TOMM70: variants seen among roughly 807,000 people sequenced by gnomAD.
TOMM70 encodes translocase of outer mitochondrial membrane 70.
TOMM70 carries 13 observed loss-of-function variants against 73.6 expected under a neutral mutation model. The observed-to-expected ratio is 0.18, with a 90% CI of 0.11 to 0.28. The LOEUF (loss-of-function observed/expected upper bound fraction) is 0.28. Among genes scored for constraint, TOMM70 ranks in the 10% least tolerant of loss-of-function variants. The pLI, the probability that TOMM70 is intolerant of heterozygous loss-of-function variation, is 1.00. For missense variants in TOMM70, 609 were observed against 747.5 expected, an observed-to-expected ratio of 0.81 and a Z score of 2.16; for synonymous variants, 257 against 271.2, an observed-to-expected ratio of 0.95 and a Z score of 0.51.
intron 1 of TOMM70, among the ~76,000 whole-genome samples, chr3:100,396,088 G>A (rs1012672323): frequency 6.6e-6 from 1 of 150,622 alleles, no homozygotes; most frequent in Non-Finnish European, 1.5e-5. Flanking sequence ...GACATTTAGA[G>A]CACAATATGA....
intron 1 of TOMM70, among the ~76,000 whole-genome samples, chr3:100,389,340 G>A (rs754868058): frequency 1.3e-4 from 20 of 152,042 alleles, no homozygotes; most frequent in Non-Finnish European, 2.5e-4. Flanking sequence ...CCCAAATAGG[G>A]AAATGACCAA....
At chr3:100,387,101 C>T (rs777180844) in intron 1 of TOMM70, 123 bp from the exon 2 acceptor site, 1 of 975,014 alleles carries the variant, frequency 1.0e-6, no homozygotes, top group South Asian at 1.7e-5. Flanking sequence ...TAAGTTGCTT[C>T]ATACAAATAT....
intron 2 of TOMM70, 107 bp from the exon 3 acceptor site, chr3:100,386,451 T>G (rs1706693572): frequency 8.6e-7 from 1 of 1,168,746 alleles, no homozygotes; most frequent in East Asian, 2.6e-5. Flanking sequence ...AATAAAAAAG[T>G]ATTCCTAATA....
intron 5 of TOMM70, among the ~76,000 whole-genome samples, chr3:100,380,292 C>T (rs1706617689): frequency 6.6e-6 from 1 of 152,074 alleles, no homozygotes; most frequent in African/African-American, 2.4e-5. Flanking sequence ...TTGCAGTGAG[C>T]CAAGACTGCA....
Position 100,385,196 on chromosome 3 carries a change from T to C in TOMM70, c.626-608A>G, listed in dbSNP as rs1243203970. On this transcript the variant is annotated intron_variant, in intron 3 of 11. Coordinates refer to ENST00000284320, the MANE Select transcript of TOMM70 (RefSeq NM_014820.5). ...CACCAATCAAGTCAATCTGCTGATA[T>C]ATTCCCCTGATAACCACGGCTAGCG... Among the ~76,000 whole-genome samples the C allele has an allele frequency of 3.3e-5, 5 of 152,262 alleles. No homozygotes were observed. The East Asian group carries it at 9.6e-4, about 29-fold the overall frequency.
rs751540536 is a variant in TOMM70, at chr3:100,375,119, T to C, written c.1126A>G (p.Met376Val). 1 of 1,609,682 alleles carries C rather than the reference T, an allele frequency of 6.2e-7. No homozygotes were observed. Among genetic ancestry groups the C allele is most frequent in the South Asian group, 1.1e-5 (1 of 89,962 alleles). The part of the protein sequence containing the change: ...RANALIKRGS[M>V]YMQQQQPLLS... ...AAAGGCTGCTGCTGTTGCATGTACA[T>C]GCTGCCTCTTTTGATGAGAGCATTT... is the stretch of plus-strand genomic sequence containing the variant. Residue 376 changes from methionine to valine, a missense_variant, in exon 7 of 12, where the codon ATG (methionine) becomes GTG (valine). This residue lies in a region of TOMM70 where 432 missense variants were observed against 584.1 expected (regional missense o/e 0.74). Transcript: ENST00000284320.
chr3:100,388,886 C>G (rs1410845184), intron 1 of TOMM70, among the ~76,000 whole-genome samples: 1 of 151,998 alleles, frequency 6.6e-6, no homozygotes, highest in East Asian at 1.9e-4. Flanking sequence ...AGCAAATTAA[C>G]AAGTAGAGAA....
intron 1 of TOMM70, among the ~76,000 whole-genome samples, 172 bp downstream of exon 1, chr3:100,400,454 C>G (rs765728771): frequency 2.4e-4 from 36 of 152,228 alleles, no homozygotes; most frequent in Non-Finnish European, 4.7e-4. Flanking sequence ...AACCTGTCAT[C>G]GAGCTACTCT....
intron 11 of TOMM70, among the ~76,000 whole-genome samples, chr3:100,365,973 T>C (rs1706443988): frequency 6.6e-6 from 1 of 152,234 alleles, no homozygotes; most frequent in Admixed American, 6.5e-5. Flanking sequence ...ACAAATACTA[T>C]GTGCTTACAT....
chr3:100,369,192 A>AGTATACT (rs1706481636), intron 9 of TOMM70, 57 bp from the exon 10 acceptor site: 7 of 1,207,894 alleles, frequency 5.8e-6, no homozygotes, highest in Middle Eastern at 2.3e-4. Flanking sequence ...AGCAGTTAAA[A>AGTATACT]GTATACTTAT....
In TOMM70 at chr3:100,365,262, T is replaced by A; in HGVS notation, c.*302A>T. ...CTGCCAACCCCCCTTAAAAAAAAAATCAACAAATCAGTTTTTATTTGCATG... is the reference window on the plus strand; with the variant it reads ...CTGCCAACCCCCCTTAAAAAAAAAAACAACAAATCAGTTTTTATTTGCATG... On this transcript the variant is annotated 3_prime_UTR_variant, in exon 12 of 12. Transcript: ENST00000284320. 3.7e-6 allele frequency: 1 copy of A among 273,314 alleles called. No individual in the cohort carries two copies. The highest frequency in any genetic ancestry group is 6.9e-6 in the Non-Finnish European group (1 of 144,070). 16.9% of individuals were successfully genotyped at this position (273,314 alleles called of 1,614,324 possible).
chr3:100,366,031 G>A (rs960420759), intron 11 of TOMM70, among the ~76,000 whole-genome samples: 1 of 152,206 alleles, frequency 6.6e-6, no homozygotes, highest in African/African-American at 2.4e-5. Flanking sequence ...TCAGACTAGG[G>A]AAATTGATTG....
chr3:100,371,259 ATTTTT>A (rs61515802), intron 9 of TOMM70, among the ~76,000 whole-genome samples: 2 of 98,664 alleles, frequency 2.0e-5, no homozygotes, highest in African/African-American at 3.9e-5. Context: ...CAGCGATGGT[ATTTTT>A]TTTTTTTTTT....
At chr3:100,375,880 G>A (rs150847624) in intron 6 of TOMM70, among the ~76,000 whole-genome samples, 32 of 152,144 alleles carry the variant, frequency 2.1e-4, no homozygotes, top group African/African-American at 6.7e-4. Flanking sequence ...ATTCTCTTGG[G>A]TATATACCTA....
chr3:100,389,893 T>C (rs1706739569), intron 1 of TOMM70, among the ~76,000 whole-genome samples: 2 of 151,980 alleles, frequency 1.3e-5, no homozygotes, highest in Admixed American at 1.3e-4. Flanking sequence ...ATAGAAAAAT[T>C]AGCCAGGATG....
At chr3:100,377,561 CATT>C (rs1488454756) in intron 6 of TOMM70, 141 bp downstream of exon 6, 1 of 692,198 alleles carries the variant, frequency 1.4e-6, no homozygotes, top group African/African-American at 1.8e-5. Flanking sequence ...GCACCAACTA[CATT>C]ATTATTAAGA....
Position 100,366,846 on chromosome 3 carries a change from G to A in TOMM70, c.1674-1129C>T, listed in dbSNP as rs954728591. ...TATTCTAAGAAGAATCCACAGCTTC[G>A]CTCAAAAAAGATTAAGAACTACCAC... On this transcript the variant is annotated intron_variant, in intron 11 of 11. Transcript: ENST00000284320. Among the ~76,000 whole-genome samples, 6 of 152,270 alleles carry A rather than the reference G, an allele frequency of 3.9e-5. No individual in the cohort carries two copies. In the East Asian group the frequency reaches 5.8e-4, roughly 15 times the overall value.
rs1364878937 is a variant in TOMM70 at position 100,401,087 on chromosome 3, A to G, written c.-138T>C. The G allele has an allele frequency of 1.0e-6, 1 of 975,798 alleles. No homozygotes were observed. The allele number at this position is 975,798 out of a possible 1,614,324, so 60.4% of individuals were successfully genotyped here. ...TAGGCAGAGAGAGCGGACGACAGAA[A>G]AGGGCCAGAGGTCACCGGAAGCCCA... On this transcript the variant is annotated 5_prime_UTR_variant, in exon 1 of 12. Coordinates refer to ENST00000284320, the MANE Select transcript of TOMM70 (RefSeq NM_014820.5).
At position 100,377,771 on chromosome 3, in the gene TOMM70, A is replaced by G; in HGVS notation, c.1026T>C (p.Ile342=). ...LLLRATFYLL[I]GNANAAKPDL... ...CTGGTTTGGCTGCATTGGCATTGCC[A>G]ATAAGCAGGTAGAAGGTAGCTCGTA... is the stretch of plus-strand genomic sequence containing the variant. The change falls in exon 6 of 12, where the codon ATT becomes ATC. Residue 342 remains isoleucine (I), a synonymous_variant. Transcript: ENST00000284320. 1.2e-6 allele frequency: 2 copies of G among 1,614,230 alleles called. No individual in the cohort carries two copies. Among genetic ancestry groups the G allele is most frequent in the Non-Finnish European group, 1.7e-6 (2 of 1,180,046 alleles).
Sources: gnomAD v4.1 joint callset for allele counts (sites outside exome capture counted in the v4.1 genomes callset) on GRCh38, gnomAD v4.1.1 for gene constraint, gnomAD v4.1.1 regional missense constraint, MANE v1.5 for transcripts, NCBI Gene and HGNC (gene_info 2026-07-23, HGNC 2026-07-21) for gene names.